ARHGAP24: variants seen among roughly 807,000 people sequenced by gnomAD.
The protein encoded by ARHGAP24 is Rho GTPase activating protein 24, also known as rho GTPase-activating protein 24.
Under a neutral mutation model 76.4 loss-of-function variants are expected in ARHGAP24, and 50 were observed. The observed-to-expected ratio is 0.65, with a 90% CI of 0.52 to 0.83. The LOEUF is 0.83. ARHGAP24 is among the 40% of genes least tolerant of loss of function. The pLI, the probability that ARHGAP24 is intolerant of heterozygous loss-of-function variation, is 0.00. For missense variants in ARHGAP24, 930 were observed against 914.2 expected (o/e 1.02, Z -0.22); for synonymous variants, 345 against 323.3 (o/e 1.07, Z -0.72).
chr4:85,666,081 A>T (rs1351000223), intron 2 of ARHGAP24, among the ~76,000 whole-genome samples: 1 of 152,176 alleles, frequency 6.6e-6, no homozygotes, highest in Non-Finnish European at 1.5e-5. Context: ...AGATTGGGGA[A>T]GTTCTCCTGG....
intron 1 of ARHGAP24, among the ~76,000 whole-genome samples, chr4:85,506,246 G>A (rs750295081): frequency 2.6e-5 from 4 of 152,150 alleles, no homozygotes; most frequent in African/African-American, 7.2e-5. Flanking sequence ...GAGCTCAAAC[G>A]CCATGCTGGG....
At position 85,802,280 on chromosome 4, in the gene ARHGAP24, C is replaced by T. The variant is rs138333387; in HGVS notation, c.268+80308C>T. 1.0e-3 allele frequency among the ~76,000 whole-genome samples: 154 copies of T among 152,226 alleles called. 1 individual carries two copies. Among genetic ancestry groups the T allele is most frequent in the African/African-American group, 3.6e-3 (149 of 41,530 alleles). ...TGATTAAGATAATATTTATATGACC[C>T]ACCTATATAAAAATTTCTCAATGAA... On this transcript the variant is annotated intron_variant, in intron 3 of 9. Transcript: ENST00000395184.
intron 1 of ARHGAP24, among the ~76,000 whole-genome samples, chr4:85,525,538 C>G (rs1724953938): frequency 6.6e-6 from 1 of 151,654 alleles, no homozygotes; most frequent in South Asian, 2.1e-4. Context: ...AAAACCATGG[C>G]TAAATCTTCA....
At chr4:85,539,309 G>A (rs11936036) in intron 1 of ARHGAP24, among the ~76,000 whole-genome samples, 18,707 of 152,046 alleles carry the variant, frequency 0.12, 3,223 homozygotes, top group African/African-American at 0.39. Context: ...AACATAAAGA[G>A]ATGTATGAGT....
chr4:85,772,704 C>G (rs933634656), intron 3 of ARHGAP24, among the ~76,000 whole-genome samples: 2 of 152,186 alleles, frequency 1.3e-5, no homozygotes, highest in Non-Finnish European at 2.9e-5. Context: ...AGTAGCTAAA[C>G]ATGTAGTTCC....
chr4:85,910,897 C>T (rs182580960), intron 3 of ARHGAP24, among the ~76,000 whole-genome samples: 8 of 152,272 alleles, frequency 5.3e-5, no homozygotes, highest in Admixed American at 1.3e-4. Context: ...GGGCCTCACC[C>T]GAGACCCACC....
intron 5 of ARHGAP24, among the ~76,000 whole-genome samples, chr4:85,956,952 T>A (rs540140706): frequency 5.9e-5 from 9 of 152,338 alleles, no homozygotes; most frequent in Non-Finnish European, 1.3e-4. Context: ...CTCAAATGCC[T>A]GGGTTTATAT....
At chr4:85,663,033 A>G (rs1383521052) in intron 2 of ARHGAP24, among the ~76,000 whole-genome samples, 1 of 151,978 alleles carries the variant, frequency 6.6e-6, no homozygotes, top group African/African-American at 2.4e-5. Flanking sequence ...ACTTTAAAGT[A>G]GTTTTTTCCA....
chr4:85,522,867 A>C (rs977215016), intron 1 of ARHGAP24, among the ~76,000 whole-genome samples: 1 of 152,236 alleles, frequency 6.6e-6, no homozygotes, highest in Non-Finnish European at 1.5e-5. Context: ...TTCAAGGCCC[A>C]CTTAGAGGTA....
intron 2 of ARHGAP24, among the ~76,000 whole-genome samples, chr4:85,611,686 A>G (rs1365960038): frequency 2.6e-5 from 4 of 152,316 alleles, no homozygotes; most frequent in South Asian, 2.1e-4. Flanking sequence ...TGATTCAGGT[A>G]CATAAGCCTG....
At chr4:85,920,621 A>C (rs1161556017) in intron 3 of ARHGAP24, among the ~76,000 whole-genome samples, 1 of 152,196 alleles carries the variant, frequency 6.6e-6, no homozygotes, top group East Asian at 1.9e-4. Flanking sequence ...AAATTTTTGC[A>C]TGCATCTGAC....
intron 2 of ARHGAP24, among the ~76,000 whole-genome samples, chr4:85,635,428 T>C (rs1400798932): frequency 6.6e-6 from 1 of 151,892 alleles, no homozygotes; most frequent in African/African-American, 2.4e-5. Flanking sequence ...TACCAAGATT[T>C]CCAGACCAAT....
At chr4:85,925,451 T>C (rs2148813212) in intron 4 of ARHGAP24, among the ~76,000 whole-genome samples, 1 of 152,254 alleles carries the variant, frequency 6.6e-6, no homozygotes, top group Non-Finnish European at 1.5e-5. Flanking sequence ...AGAGAAGTCA[T>C]AAAATGTTTC....
rs375956023 is a variant in ARHGAP24, at chr4:85,948,323, T to C, written c.599+6050T>C. ...ATATCGTATAATAGGATAAGCAACA[T>C]CCTCTACAGTGAACTTCATGAGACA... On this transcript the variant is annotated intron_variant, in intron 5 of 9. Transcript: ENST00000395184. Among the ~76,000 whole-genome samples, 5 of 152,278 alleles carry C rather than the reference T, an allele frequency of 3.3e-5. No individual in the cohort carries two copies. The East Asian group carries it at 5.8e-4, about 18-fold the overall frequency.
At chr4:85,933,134 C>A (rs75740849) in intron 4 of ARHGAP24, among the ~76,000 whole-genome samples, 6,431 of 152,148 alleles carry the variant, frequency 0.042, 484 homozygotes, top group African/African-American at 0.15. Flanking sequence ...TGGGTTTCTG[C>A]GTTCCTCTCC....
At chr4:85,981,991 C>T (rs1022452713) in intron 8 of ARHGAP24, among the ~76,000 whole-genome samples, 1 of 152,106 alleles carries the variant, frequency 6.6e-6, no homozygotes, top group African/African-American at 2.4e-5. Context: ...GAGACACTGA[C>T]ATCATGCAGG....
intron 3 of ARHGAP24, among the ~76,000 whole-genome samples, chr4:85,916,481 A>G (rs1735406343): frequency 6.6e-6 from 1 of 152,142 alleles, no homozygotes; most frequent in Non-Finnish European, 1.5e-5. Flanking sequence ...TCTCCATCCC[A>G]CTAAAGTTGG....
intron 8 of ARHGAP24, among the ~76,000 whole-genome samples, chr4:85,985,484 G>A (rs905729495): frequency 1.3e-5 from 2 of 152,134 alleles, no homozygotes; most frequent in African/African-American, 2.4e-5. Context: ...CCTGTTGGAG[G>A]GTGGATAATG....
chr4:85,513,478 A>C (rs1220598624), intron 1 of ARHGAP24, among the ~76,000 whole-genome samples: 1 of 152,066 alleles, frequency 6.6e-6, no homozygotes, highest in African/African-American at 2.4e-5. Context: ...CTAGGAAGAA[A>C]TATTTTCTTT....
Sources: allele counts gnomAD v4.1 joint callset (sites outside exome capture counted in the v4.1 genomes callset), GRCh38; gene constraint gnomAD v4.1.1; transcripts MANE v1.5; gene names NCBI Gene and HGNC (gene_info 2026-07-23, HGNC 2026-07-21).